ANXA13: variants seen among roughly 807,000 people sequenced by gnomAD.
The protein encoded by ANXA13 is annexin XIII.
Under a neutral mutation model 46.6 loss-of-function variants are expected in ANXA13, and 36 were observed. The observed-to-expected ratio is 0.77, with a 90% confidence interval of 0.59 to 1.02. The LOEUF is 1.02. Ranked by LOEUF, ANXA13 falls within the 50% of genes least tolerant of loss-of-function variation. ANXA13 has a pLI of 0.00. For synonymous variants in ANXA13, 163 were observed against 152.9 expected (o/e 1.07, Z -0.49); for missense variants, 417 against 396.5 (o/e 1.05, Z -0.44).
At chr8:123,704,127 G>A (rs1382211496) in intron 2 of ANXA13, among the ~76,000 whole-genome samples, 3 of 152,132 alleles carry the variant, frequency 2.0e-5, no homozygotes, top group Non-Finnish European at 2.9e-5. Flanking sequence ...TGGGAAACCC[G>A]GGACACCAGG....
chr8:123,683,556 C>T (rs962717704), intron 10 of ANXA13, among the ~76,000 whole-genome samples: 4 of 150,028 alleles, frequency 2.7e-5, no homozygotes, highest in Non-Finnish European at 5.9e-5. Context: ...CTGTCTGTGG[C>T]CCCATATCCC....
At chr8:123,727,813 T>A (rs957990390) in intron 1 of ANXA13, 5 of 152,210 alleles carry the variant, frequency 3.3e-5, no homozygotes. Context: ...ACACAGGTGC[T>A]GACTAAAGCA....
At chr8:123,719,929 G>A (rs1813830014) in intron 1 of ANXA13, among the ~76,000 whole-genome samples, 1 of 151,976 alleles carries the variant, frequency 6.6e-6, no homozygotes, top group Non-Finnish European at 1.5e-5. Context: ...ATGCATTCGT[G>A]TTTGGGATGT....
At position 123,735,774 on chromosome 8, in the gene ANXA13, T is replaced by A. The variant is rs199508519; in HGVS notation, c.15+1546A>T. 2 of 1,611,864 alleles carry A rather than the reference T, an allele frequency of 1.2e-6. No homozygotes were observed. Among genetic ancestry groups the A allele is most frequent in the Non-Finnish European group, 1.7e-6 (2 of 1,179,022 alleles). ...GCTTACAGGCTGTGGGGCCTCTGGC[T>A]CTCCATTCCGTGATGGGTGGCTGAG... On this transcript the variant is annotated intron_variant, in intron 1 of 10. Coordinates refer to ENST00000419625, the MANE Select transcript of ANXA13 (RefSeq NM_004306.4).
At chr8:123,713,791 T>C (rs946189377) in intron 1 of ANXA13, among the ~76,000 whole-genome samples, 1 of 152,168 alleles carries the variant, frequency 6.6e-6, no homozygotes, top group Non-Finnish European at 1.5e-5. Context: ...CCTCCTGGGT[T>C]CAAGTGATTT....
At chr8:123,733,674 C>T (rs1814170037) in intron 1 of ANXA13, among the ~76,000 whole-genome samples, 1 of 152,238 alleles carries the variant, frequency 6.6e-6, no homozygotes, top group South Asian at 2.1e-4. Context: ...GACCATCTGC[C>T]TTTGTCCCCA....
intron 3 of ANXA13, among the ~76,000 whole-genome samples, chr8:123,700,642 C>T (rs1227419094): frequency 6.6e-6 from 1 of 152,180 alleles, no homozygotes; most frequent in African/African-American, 2.4e-5. Flanking sequence ...CAGTTTGAAT[C>T]CATTTACTCT....
chr8:123,721,846 A>T (rs761397574), intron 1 of ANXA13, among the ~76,000 whole-genome samples: 16 of 152,184 alleles, frequency 1.1e-4, no homozygotes, highest in Non-Finnish European at 2.2e-4. Context: ...TGGGGTAGGT[A>T]TTATTACCTC....
In ANXA13 at chr8:123,731,990, G is replaced by C. The variant is rs11784915; in HGVS notation, c.15+5330C>G. Among the ~76,000 whole-genome samples the C allele has an allele frequency of 1.8e-4, 27 of 152,240 alleles. No individual in the cohort carries two copies. In the East Asian group the frequency reaches 4.2e-3, roughly 24 times the overall value. The stretch of plus-strand genomic sequence containing the variant: ...AAGGAAGAGCATCCAATCCAGCTTG[G>C]GGGGCAGGGGATGGAGAAAGCTCAG... On this transcript the variant is annotated intron_variant, in intron 1 of 10. Coordinates refer to ENST00000419625, the MANE Select transcript of ANXA13 (RefSeq NM_004306.4).
At chr8:123,727,565 C>T (rs1378883324) in intron 1 of ANXA13, 1 of 151,936 alleles carries the variant, frequency 6.6e-6, no homozygotes, top group Non-Finnish European at 1.5e-5. Context: ...GGGAGTATTA[C>T]TGGAATATCT....
intron 1 of ANXA13, among the ~76,000 whole-genome samples, chr8:123,713,707 T>G (rs958699836): frequency 5.9e-5 from 9 of 152,170 alleles, no homozygotes; most frequent in Admixed American, 5.9e-4. Context: ...TTTCTTTTCT[T>G]TTTTGAGACA....
At chr8:123,728,056 A>G (rs1443754492) in intron 1 of ANXA13, 1 of 152,198 alleles carries the variant, frequency 6.6e-6, no homozygotes, top group Non-Finnish European at 1.5e-5. Flanking sequence ...TGTTGTGAAC[A>G]TCCCAGCCTA....
At chr8:123,706,653 G>T (rs1699949714) in intron 2 of ANXA13, among the ~76,000 whole-genome samples, 1 of 152,118 alleles carries the variant, frequency 6.6e-6, no homozygotes, top group Admixed American at 6.5e-5. Flanking sequence ...TTTCCAATTG[G>T]CATTCACTGC....
chr8:123,695,654 A>G (rs1813317829), intron 5 of ANXA13, 34 bp downstream of exon 5: 1 of 1,612,630 alleles, frequency 6.2e-7, no homozygotes, highest in African/African-American at 1.3e-5. Flanking sequence ...AAAGAAACAT[A>G]CTTTATCCAA....
chr8:123,726,054 A>G (rs925001604), intron 1 of ANXA13, among the ~76,000 whole-genome samples: 2 of 152,264 alleles, frequency 1.3e-5, no homozygotes, highest in African/African-American at 4.8e-5. Context: ...GTATCATTTA[A>G]CAACTAAAAC....
At chr8:123,721,158 T>C (rs1586335890) in intron 1 of ANXA13, among the ~76,000 whole-genome samples, 1 of 152,200 alleles carries the variant, frequency 6.6e-6, no homozygotes, top group Non-Finnish European at 1.5e-5. Context: ...CTTAGCATAA[T>C]GTTCCCCAGG....
chr8:123,719,585 C>G (rs1813823176), intron 1 of ANXA13, among the ~76,000 whole-genome samples: 1 of 152,088 alleles, frequency 6.6e-6, no homozygotes, highest in African/African-American at 2.4e-5. Flanking sequence ...TGTGCTGGTT[C>G]TCAAAGGGCG....
At chr8:123,705,731 A>G (rs552873790) in intron 2 of ANXA13, among the ~76,000 whole-genome samples, 3 of 152,346 alleles carry the variant, frequency 2.0e-5, no homozygotes, top group Admixed American at 2.0e-4. Context: ...TGAAGGAACA[A>G]GATCGTGCAA....
chr8:123,708,485 C>T (rs1236554833), intron 2 of ANXA13, among the ~76,000 whole-genome samples: 1 of 152,162 alleles, frequency 6.6e-6, no homozygotes, highest in Non-Finnish European at 1.5e-5. Context: ...GGCTGCAGCC[C>T]CCGCTCTGGT....
Sources: allele counts gnomAD v4.1 joint callset (sites outside exome capture counted in the v4.1 genomes callset), GRCh38; gene constraint gnomAD v4.1.1; transcripts MANE v1.5; gene names NCBI Gene and HGNC (gene_info 2026-07-23, HGNC 2026-07-21).